Variants in NRXN3 observed in about 807,000 individuals in gnomAD.
NRXN3 encodes the protein neurexin III.
In NRXN3, 32 loss-of-function variants were observed where a neutral mutation model predicts 137.6. That is an observed-to-expected ratio of 0.23 (90% confidence interval 0.18 to 0.31). NRXN3 has a LOEUF of 0.31. Among genes scored for constraint, NRXN3 ranks in the 10% least tolerant of loss-of-function variants. The pLI is 1.00. For missense variants in NRXN3, 1,574 were observed against 2,062.5 expected (o/e 0.76, Z 4.59); for synonymous variants, 798 against 784.5 (o/e 1.02, Z -0.29).
intron 3 of NRXN3, among the ~76,000 whole-genome samples, chr14:78,290,824 G>A (rs1334176169): frequency 6.6e-6 from 1 of 152,296 alleles, no homozygotes; most frequent in Non-Finnish European, 1.5e-5. Flanking sequence ...TCTTGGATGA[G>A]AGACCTTTAA....
chr14:78,572,112 G>C (rs912420749), intron 4 of NRXN3, among the ~76,000 whole-genome samples: 2 of 152,114 alleles, frequency 1.3e-5, no homozygotes, highest in African/African-American at 4.8e-5. Flanking sequence ...TGTCAGTGCT[G>C]GTTTGTAAAA....
intron 4 of NRXN3, among the ~76,000 whole-genome samples, chr14:78,313,837 GT>G (rs1391143858): frequency 6.6e-6 from 1 of 152,126 alleles, no homozygotes; most frequent in Non-Finnish European, 1.5e-5. Context: ...AAATTGAGAA[GT>G]ATATAAGCTA....
intron 15 of NRXN3, among the ~76,000 whole-genome samples, chr14:79,090,286 T>C (rs1015532969): frequency 2.0e-5 from 3 of 152,156 alleles, no homozygotes; most frequent in Admixed American, 6.5e-5. Context: ...TCTCTGAGTA[T>C]GCATTTCTAG....
At chr14:79,487,825 G>A (rs1751464985) in intron 16 of NRXN3, among the ~76,000 whole-genome samples, 1 of 152,150 alleles carries the variant, frequency 6.6e-6, no homozygotes, top group South Asian at 2.1e-4. Flanking sequence ...GAGCTGGCTG[G>A]CTGGTTGTGT....
intron 16 of NRXN3, among the ~76,000 whole-genome samples, chr14:79,538,954 C>G (rs2153730918): frequency 6.6e-6 from 1 of 152,102 alleles, no homozygotes; most frequent in East Asian, 1.9e-4. Context: ...ATAAAGTGAC[C>G]CTGTGAACTT....
intron 16 of NRXN3, among the ~76,000 whole-genome samples, chr14:79,534,214 C>T (rs369661527): frequency 6.6e-6 from 1 of 152,114 alleles, no homozygotes; most frequent in Non-Finnish European, 1.5e-5. Context: ...CTCTAGCCAT[C>T]GGCATGAATG....
intron 6 of NRXN3, among the ~76,000 whole-genome samples, chr14:78,676,415 C>T (rs1206411726): frequency 6.6e-6 from 1 of 152,064 alleles, no homozygotes; most frequent in African/African-American, 2.4e-5. Flanking sequence ...GGTGGAAGAT[C>T]AAACCAGCCA....
chr14:79,750,858 A>G (rs1009133217), intron 19 of NRXN3, among the ~76,000 whole-genome samples: 1 of 152,164 alleles, frequency 6.6e-6, no homozygotes, highest in African/African-American at 2.4e-5. Flanking sequence ...TGTCAGGGTG[A>G]CCAGAGAGAA....
In NRXN3 at chr14:79,780,599, ACT is replaced by A. The variant is rs1336072792; in HGVS notation, c.4015-24510_4015-24509del. Among the ~76,000 whole-genome samples the A allele has an allele frequency of 7.9e-5, 12 of 152,174 alleles. No individual in the cohort carries two copies. The East Asian group carries it at 1.2e-3, about 15-fold the overall frequency. On this transcript the variant is annotated intron_variant, in intron 19 of 20. Transcript: ENST00000335750. The stretch of plus-strand genomic sequence containing the variant: ...ACTCCAGCCTGGGCGACAGAGCGAG[ACT>A]CTGTCCCTAAATAAATAAATAAATA...
At chr14:79,747,918 C>T (rs971569503) in intron 19 of NRXN3, among the ~76,000 whole-genome samples, 10 of 151,938 alleles carry the variant, frequency 6.6e-5, no homozygotes, top group East Asian at 1.9e-4. Flanking sequence ...ATGCTAACAT[C>T]GACTTTATAG....
intron 6 of NRXN3, among the ~76,000 whole-genome samples, chr14:78,670,342 G>A (rs2097923154): frequency 6.6e-6 from 1 of 152,120 alleles, no homozygotes; most frequent in South Asian, 2.1e-4. Flanking sequence ...TGTCTTTATC[G>A]TAGAATGATT....
At chr14:79,599,947 A>T (rs2153833017) in intron 16 of NRXN3, among the ~76,000 whole-genome samples, 1 of 152,378 alleles carries the variant, frequency 6.6e-6, no homozygotes, top group Middle Eastern at 3.4e-3. Context: ...GTGAGCTGAG[A>T]TTGCATCACT....
chr14:79,577,738 G>A (rs1314959102), intron 16 of NRXN3, among the ~76,000 whole-genome samples: 2 of 152,180 alleles, frequency 1.3e-5, no homozygotes, highest in African/African-American at 4.8e-5. Context: ...CTCCATACAT[G>A]TGTATTGAGT....
chr14:79,121,328 A>C (rs1414024184), intron 15 of NRXN3, among the ~76,000 whole-genome samples: 1 of 152,202 alleles, frequency 6.6e-6, no homozygotes. Flanking sequence ...TGAATCAAGA[A>C]AGCCATATGC....
At chr14:79,183,844 A>G (rs1461036830) in intron 15 of NRXN3, among the ~76,000 whole-genome samples, 1 of 152,216 alleles carries the variant, frequency 6.6e-6, no homozygotes, top group Non-Finnish European at 1.5e-5. Context: ...TGACTTCCAT[A>G]GCGTAGCCTG....
intron 15 of NRXN3, among the ~76,000 whole-genome samples, chr14:79,179,425 A>G (rs2062690920): frequency 6.6e-6 from 1 of 152,180 alleles, no homozygotes; most frequent in Admixed American, 6.5e-5. Flanking sequence ...ATTTTTTAAA[A>G]CAAATATCTG....
intron 4 of NRXN3, among the ~76,000 whole-genome samples, chr14:78,630,974 A>T (rs1421841470): frequency 6.6e-6 from 1 of 152,160 alleles, no homozygotes; most frequent in Admixed American, 6.5e-5. Flanking sequence ...CAATAGTTGA[A>T]ATCTAAGTCT....
intron 4 of NRXN3, among the ~76,000 whole-genome samples, chr14:78,346,181 C>G (rs1387238413): frequency 6.6e-6 from 1 of 152,164 alleles, no homozygotes; most frequent in East Asian, 1.9e-4. Context: ...ACCAGAAGGC[C>G]CTACAACCTC....
At chr14:79,210,570 G>T (rs1171486102) in intron 15 of NRXN3, among the ~76,000 whole-genome samples, 1 of 152,134 alleles carries the variant, frequency 6.6e-6, no homozygotes, top group Non-Finnish European at 1.5e-5. Flanking sequence ...TAGCTGGCTT[G>T]AATTTATGAG....
Sources: gnomAD v4.1 joint callset for allele counts (sites outside exome capture counted in the v4.1 genomes callset) on GRCh38, gnomAD v4.1.1 for gene constraint, MANE v1.5 for transcripts, NCBI Gene and HGNC (gene_info 2026-07-23, HGNC 2026-07-21) for gene names.